SRD5A2: variants seen among roughly 807,000 people sequenced by gnomAD.
SRD5A2 encodes the protein 3-oxo-5-alpha-steroid 4-dehydrogenase 2.
In SRD5A2, 30 loss-of-function variants were observed where a neutral mutation model predicts 27.4. The observed-to-expected ratio is 1.10, with a 90% CI of 0.82 to 1.49. The LOEUF (loss-of-function observed/expected upper bound fraction) is 1.49. Ranked by LOEUF, SRD5A2 falls within the 40% of genes most tolerant of loss-of-function variation. The pLI is 0.00. For synonymous variants in SRD5A2, 141 were observed against 133.6 expected, an observed-to-expected ratio of 1.06 and a Z score of -0.38; for missense variants, 348 against 323.4, an observed-to-expected ratio of 1.08 and a Z score of -0.58.
At chr2:31,593,088 C>T in the SRD5A2 span, among the ~76,000 whole-genome samples, 1 of 151,750 alleles carries the variant, frequency 6.6e-6, no homozygotes, top group Non-Finnish European at 1.5e-5. Context: ...GGAAGGGGAA[C>T]ATCACACTCT....
At chr2:31,528,812 T>C (rs1466313532) in intron 4 of SRD5A2, among the ~76,000 whole-genome samples, 1 of 151,968 alleles carries the variant, frequency 6.6e-6, no homozygotes, top group Non-Finnish European at 1.5e-5. Context: ...CTGTGGAGCT[T>C]TGGAAAGTGC....
At chr2:31,578,365 C>CT (rs1553329115) in intron 1 of SRD5A2, among the ~76,000 whole-genome samples, 44,732 of 152,126 alleles carry the variant, frequency 0.29, 6,832 homozygotes, top group East Asian at 0.51. Flanking sequence ...GATCTGGAGT[C>CT]TACTGCCTGG....
At chr2:31,554,924 C>T (rs916080206) in intron 1 of SRD5A2, among the ~76,000 whole-genome samples, 1 of 132,134 alleles carries the variant, frequency 7.6e-6, no homozygotes, top group Non-Finnish European at 1.6e-5. Flanking sequence ...CTATCCTGAT[C>T]GTGTGTGTGT....
chr2:31,575,957 G>A (rs72867531), intron 1 of SRD5A2, among the ~76,000 whole-genome samples: 4 of 152,286 alleles, frequency 2.6e-5, no homozygotes, highest in East Asian at 3.9e-4. Flanking sequence ...TAGACAAGGG[G>A]TCATTCCACA....
chr2:31,529,241 G>T (rs377002020), intron 4 of SRD5A2, 66 bp downstream of exon 4: 1 of 1,591,242 alleles, frequency 6.3e-7, no homozygotes, highest in Non-Finnish European at 8.6e-7. Flanking sequence ...TTCCTCTGCG[G>T]GTTAAAAGCC....
At chr2:31,583,663 C>CAAAAAAAAAAAAAAAAAAAAAGA (rs796349594), upstream of SRD5A2, among the ~76,000 whole-genome samples, 1 of 97,222 alleles carries the variant, frequency 1.0e-5, no homozygotes, top group Non-Finnish European at 2.1e-5. Flanking sequence ...AAAAAAAAAG[C>CAAAAAAAAAAAAAAAAAAAAAGA]AAAAAAAAAA....
At position 31,525,972 on chromosome 2, in the gene SRD5A2, T is replaced by A. The variant is rs28383083; in HGVS notation, c.*224A>T. ...AAGCAACTGTCGCCATTTGGAAAAG[T>A]GGCTTTTTGAAGCTTCAGTTGGGGA... On this transcript the variant is annotated 3_prime_UTR_variant, in exon 5 of 5. Transcript: ENST00000622030. 9.4e-3 allele frequency: 3,852 copies of A among 410,912 alleles called. 39 individuals carry two copies. Among genetic ancestry groups the A allele is most frequent in the South Asian group, 0.031 (430 of 13,958 alleles). 25.5% of individuals were successfully genotyped at this position (410,912 alleles called of 1,614,324 possible).
chr2:31,643,523 T>G, the SRD5A2 span, among the ~76,000 whole-genome samples: 1 of 152,102 alleles, frequency 6.6e-6, no homozygotes, highest in Non-Finnish European at 1.5e-5. Context: ...ATAGGACCAA[T>G]GACACATCAG....
chr2:31,601,578 C>G, the SRD5A2 span, among the ~76,000 whole-genome samples: 6 of 152,066 alleles, frequency 3.9e-5, no homozygotes, highest in African/African-American at 1.4e-4. Flanking sequence ...AGGCCAACAT[C>G]ATTCTGATAC....
At chr2:31,550,488 A>G (rs1296062019) in intron 1 of SRD5A2, among the ~76,000 whole-genome samples, 1 of 151,964 alleles carries the variant, frequency 6.6e-6, no homozygotes, top group Non-Finnish European at 1.5e-5. Flanking sequence ...ATAAAAATTG[A>G]TGCAAAAACA....
chr2:31,638,666 C>G, the SRD5A2 span, among the ~76,000 whole-genome samples: 1 of 151,768 alleles, frequency 6.6e-6, no homozygotes, highest in Non-Finnish European at 1.5e-5. Flanking sequence ...CGCTTTATAA[C>G]TGGATAGTGA....
chr2:31,567,688 T>C (rs534113124), intron 1 of SRD5A2, among the ~76,000 whole-genome samples: 39 of 152,288 alleles, frequency 2.6e-4, no homozygotes, highest in Middle Eastern at 3.4e-3. Flanking sequence ...TCATAAAGCA[T>C]GTACTCCTAG....
the SRD5A2 span, among the ~76,000 whole-genome samples, chr2:31,625,901 G>C: frequency 6.6e-6 from 1 of 152,118 alleles, no homozygotes; most frequent in South Asian, 2.1e-4. Context: ...TGTGAAGAAA[G>C]TCATTGGTAG....
At chr2:31,633,945 TA>T in the SRD5A2 span, among the ~76,000 whole-genome samples, 6 of 151,962 alleles carry the variant, frequency 3.9e-5, no homozygotes, top group African/African-American at 9.7e-5. Context: ...TAAAGTATAA[TA>T]AAAAAAATTT....
chr2:31,567,456 G>GTGTATATATATA (rs143408801), intron 1 of SRD5A2, among the ~76,000 whole-genome samples: 52 of 140,290 alleles, frequency 3.7e-4, no homozygotes, highest in East Asian at 1.2e-3. Context: ...GTGTGTGTGT[G>GTGTATATATATA]TATATATATA....
At chr2:31,561,874 C>T (rs890014258) in intron 1 of SRD5A2, among the ~76,000 whole-genome samples, 1 of 152,114 alleles carries the variant, frequency 6.6e-6, no homozygotes, top group Non-Finnish European at 1.5e-5. Context: ...ACTAAATCAA[C>T]TTATTTGAAT....
At chr2:31,632,718 G>C in the SRD5A2 span, among the ~76,000 whole-genome samples, 1 of 152,132 alleles carries the variant, frequency 6.6e-6, no homozygotes, top group East Asian at 1.9e-4. Flanking sequence ...CAGCCACAAA[G>C]TTGTGACTGA....
chr2:31,581,002 G>A (rs1029997506), upstream of SRD5A2: 7 of 1,324,894 alleles, frequency 5.3e-6, no homozygotes, highest in Admixed American at 2.6e-5. Flanking sequence ...CCGCCCCCTC[G>A]GCCTTGGCTC....
chr2:31,538,952 G>T (rs529020177), intron 1 of SRD5A2, among the ~76,000 whole-genome samples: 4 of 152,308 alleles, frequency 2.6e-5, no homozygotes, highest in Admixed American at 1.3e-4. Flanking sequence ...GGCCTGGAAT[G>T]AATTTTGAAT....
Sources: gnomAD v4.1 joint callset for allele counts (sites outside exome capture counted in the v4.1 genomes callset) on GRCh38, gnomAD v4.1.1 for gene constraint, MANE v1.5 for transcripts, NCBI Gene and HGNC (gene_info 2026-07-23, HGNC 2026-07-21) for gene names.